RBFOX1: variants seen among roughly 807,000 people sequenced by gnomAD.
RBFOX1 encodes the protein RNA binding fox-1 homolog 1, also known as RNA binding protein fox-1 homolog 1.
In RBFOX1, 8 loss-of-function variants were observed where a neutral mutation model predicts 57.7. The observed-to-expected ratio is 0.14, with a 90% confidence interval of 0.08 to 0.25. The LOEUF (loss-of-function observed/expected upper bound fraction) is 0.25, where lower values mean the gene tolerates loss of function less well. RBFOX1 is among the 10% of genes least tolerant of loss of function. The pLI is 1.00. For synonymous variants in RBFOX1, 326 were observed against 222.4 expected, an observed-to-expected ratio of 1.47 and a Z score of -4.15; for missense variants, 611 against 548.5, an observed-to-expected ratio of 1.11 and a Z score of -1.14.
chr16:6,444,061 T>C (rs540629363), intron 2 of RBFOX1, among the ~76,000 whole-genome samples: 38 of 152,306 alleles, frequency 2.5e-4, no homozygotes, highest in Admixed American at 6.5e-4. Flanking sequence ...ACAGAGTCAC[T>C]GATATTCACA....
intron 3 of RBFOX1, among the ~76,000 whole-genome samples, chr16:7,027,915 G>C (rs1159547842): frequency 3.3e-5 from 5 of 150,822 alleles, no homozygotes; most frequent in Non-Finnish European, 7.4e-5. Context: ...AGGAAGAAAA[G>C]AAGGGAAAAG....
Position 7,023,037 on chromosome 16 carries a change from A to G in RBFOX1, c.-15-29020A>G, listed in dbSNP as rs1470561779. On this transcript the variant is annotated intron_variant, in intron 3 of 15. Transcript: ENST00000550418. ...TGTGAAGGTTGAAAAATAAGAAGGA[A>G]TGACCATTTGAAGTGTAGAGATAAG... Among the ~76,000 whole-genome samples, 6 of 152,314 alleles carry G rather than the reference A, an allele frequency of 3.9e-5. No homozygotes were observed. The Middle Eastern group carries it at 0.01, about 259-fold the overall frequency.
chr16:5,286,923 C>A (rs1371625320), intron 1 of RBFOX1, among the ~76,000 whole-genome samples: 1 of 152,166 alleles, frequency 6.6e-6, no homozygotes, highest in East Asian at 1.9e-4. Flanking sequence ...CCTGTTCAGA[C>A]CAGTCACAAT....
chr16:5,462,484 C>G (rs1022105953), intron 1 of RBFOX1, among the ~76,000 whole-genome samples: 1 of 152,012 alleles, frequency 6.6e-6, no homozygotes, highest in Non-Finnish European at 1.5e-5. Context: ...CAGTGAGTTT[C>G]TAATGCACAT....
chr16:5,900,405 A>G (rs994724592), intron 4 of RBFOX1, among the ~76,000 whole-genome samples: 37 of 152,336 alleles, frequency 2.4e-4, no homozygotes, highest in Admixed American at 1.4e-3. Context: ...AAGGGGGAAA[A>G]AAAGAAAGAG....
intron 4 of RBFOX1, among the ~76,000 whole-genome samples, chr16:7,437,377 A>G (rs2058300): frequency 6.6e-6 from 1 of 151,702 alleles, no homozygotes; most frequent in African/African-American, 2.4e-5. Context: ...CTTCCATCGC[A>G]CAGTGAATCA....
rs1483946925 is a variant in RBFOX1 at position 5,710,107 on chromosome 16, C to G, written c.318+111146C>G. On this transcript the variant is annotated intron_variant, in intron 3 of 19. Transcript: ENST00000641259. ...TGGCTGGATAAGACATCCAGGTTATCTGAAGATGCATGTGAGAGATTATAA... is the reference window on the plus strand; with the variant it reads ...TGGCTGGATAAGACATCCAGGTTATGTGAAGATGCATGTGAGAGATTATAA... 1.1e-4 allele frequency among the ~76,000 whole-genome samples: 16 copies of G among 151,392 alleles called. 1 individual carries two copies. The East Asian group carries it at 1.4e-3, about 13-fold the overall frequency.
intron 3 of RBFOX1, among the ~76,000 whole-genome samples, chr16:6,767,163 A>G (rs1478607943): frequency 1.3e-5 from 2 of 151,942 alleles, no homozygotes; most frequent in Admixed American, 6.6e-5. Flanking sequence ...CTGGCTCCTT[A>G]CCGAGCTCTA....
At chr16:7,702,077 G>C (rs1184643893) in intron 14 of RBFOX1, among the ~76,000 whole-genome samples, 1 of 152,170 alleles carries the variant, frequency 6.6e-6, no homozygotes, top group Non-Finnish European at 1.5e-5. Context: ...TCTCCTGCAA[G>C]ATTAAAATCT....
At chr16:5,835,762 T>A (rs545224237) in intron 3 of RBFOX1, among the ~76,000 whole-genome samples, 1 of 152,360 alleles carries the variant, frequency 6.6e-6, no homozygotes, top group South Asian at 2.1e-4. Flanking sequence ...CAATTTGGCA[T>A]GTCGTTATAT....
At chr16:7,149,681 G>C (rs1440127554) in intron 4 of RBFOX1, among the ~76,000 whole-genome samples, 8 of 151,832 alleles carry the variant, frequency 5.3e-5, no homozygotes, top group Non-Finnish European at 1.2e-4. Flanking sequence ...CAAAGTGCTA[G>C]GATTACAGGC....
rs779034823 is a variant in RBFOX1 at position 7,630,673 on chromosome 16, T to C, written c.747T>C (p.Tyr249=). The change falls in exon 11 of 16, where the codon TAT becomes TAC. Residue 249 remains tyrosine, a synonymous_variant. Transcript: ENST00000550418. Reference sequence around the variant, plus strand: ...ACAGTGCCCCCAGTTCACTTGTATATACTTCTGCAAGTAAGCCCACTGTCG... The same window carrying C: ...ACAGTGCCCCCAGTTCACTTGTATACACTTCTGCAAGTAAGCCCACTGTCG... The part of the protein sequence containing the change: ...SMYSAPSSLV[Y]TSAMPGFPYP... The C allele has an allele frequency of 2.6e-5, 42 of 1,614,118 alleles. No individual in the cohort carries two copies. The East Asian group carries it at 9.4e-4, about 36-fold the overall frequency.
At position 7,435,450 on chromosome 16, in the gene RBFOX1, C is replaced by G. The variant is rs143568075; in HGVS notation, c.28-82697C>G. On this transcript the variant is annotated intron_variant, in intron 4 of 15. Transcript: ENST00000550418. ...GTCATCTGGCTGAGGCAGTGCCTGTCTCATTTTTCCTCTCTTTGCATACTG... is the reference window on the plus strand; with the variant it reads ...GTCATCTGGCTGAGGCAGTGCCTGTGTCATTTTTCCTCTCTTTGCATACTG... 1.0e-3 allele frequency among the ~76,000 whole-genome samples: 153 copies of G among 152,240 alleles called. 1 individual carries two copies. In the East Asian group the frequency reaches 0.025, roughly 25 times the overall value.
At chr16:5,937,882 T>G (rs955721947) in intron 4 of RBFOX1, among the ~76,000 whole-genome samples, 2 of 151,666 alleles carry the variant, frequency 1.3e-5, no homozygotes, top group Non-Finnish European at 2.9e-5. Context: ...CATAGATATA[T>G]ATTGCAAAAT....
At chr16:6,946,677 A>C (rs191700538) in intron 3 of RBFOX1, among the ~76,000 whole-genome samples, 10 of 151,716 alleles carry the variant, frequency 6.6e-5, no homozygotes, top group Admixed American at 2.0e-4. Flanking sequence ...ATCACAGTTC[A>C]CTGCAATCTC....
intron 1 of RBFOX1, among the ~76,000 whole-genome samples, chr16:6,313,679 T>G (rs1198650701): frequency 6.6e-6 from 1 of 152,168 alleles, no homozygotes; most frequent in Admixed American, 6.5e-5. Flanking sequence ...CCTCCGAGTT[T>G]CCTTCACTTG....
intron 1 of RBFOX1, among the ~76,000 whole-genome samples, chr16:5,420,389 TATAC>T (rs1232484667): frequency 4.3e-5 from 3 of 70,272 alleles, no homozygotes; most frequent in East Asian, 6.3e-4. Flanking sequence ...ACCACCCCCA[TATAC>T]ACACACACAC....
intron 4 of RBFOX1, among the ~76,000 whole-genome samples, chr16:5,967,919 G>A (rs1158875986): frequency 6.6e-6 from 1 of 152,052 alleles, no homozygotes; most frequent in Non-Finnish European, 1.5e-5. Flanking sequence ...CCATTCCTCT[G>A]TTTTTCGTAG....
At chr16:5,658,423 A>G (rs1264626850) in intron 3 of RBFOX1, among the ~76,000 whole-genome samples, 1 of 152,106 alleles carries the variant, frequency 6.6e-6, no homozygotes, top group Non-Finnish European at 1.5e-5. Context: ...TCTAACTTTG[A>G]TCATCAGATT....
Sources: allele counts gnomAD v4.1 joint callset (sites outside exome capture counted in the v4.1 genomes callset), GRCh38; gene constraint gnomAD v4.1.1; transcripts MANE v1.5; gene names NCBI Gene and HGNC (gene_info 2026-07-23, HGNC 2026-07-21).